The following PHACTR1 variants were observed in gnomAD, a reference collection of about 807,000 sequenced individuals.
PHACTR1 encodes the protein RPEL repeat containing 1.
PHACTR1 carries 16 observed loss-of-function variants against 69.2 expected under a neutral mutation model. The observed-to-expected ratio is 0.23, with a 90% CI of 0.16 to 0.35. PHACTR1 has a LOEUF of 0.35. PHACTR1 is among the 10% of genes least tolerant of loss of function. The probability of loss-of-function intolerance (pLI) is 1.00; values close to 1 mark genes in which losing one functional copy is unlikely to be tolerated. For synonymous variants in PHACTR1, 312 were observed against 284.5 expected (o/e 1.10, Z -0.97); for missense variants, 510 against 734.7 (o/e 0.69, Z 3.54).
At chr6:12,984,789 A>ATT (rs1795941394) in intron 4 of PHACTR1, among the ~76,000 whole-genome samples, 1 of 152,022 alleles carries the variant, frequency 6.6e-6, no homozygotes, top group Non-Finnish European at 1.5e-5. Flanking sequence ...CATAAGGAAA[A>ATT]AGCAAACCGT....
intron 6 of PHACTR1, among the ~76,000 whole-genome samples, chr6:13,172,583 G>A (rs1444458690): frequency 1.3e-5 from 2 of 152,178 alleles, no homozygotes; most frequent in African/African-American, 4.8e-5. Context: ...CTCCAGGGAA[G>A]TGCAGCTGAA....
intron 4 of PHACTR1, among the ~76,000 whole-genome samples, chr6:12,867,388 A>G (rs1016397045): frequency 6.6e-6 from 1 of 152,230 alleles, no homozygotes; most frequent in Admixed American, 6.5e-5. Context: ...ATTGAATTAC[A>G]TAATGTACAA....
chr6:12,718,539 A>G (rs906996557), intron 2 of PHACTR1, 160 bp from the exon 3 acceptor site: 3 of 330,970 alleles, frequency 9.1e-6, no homozygotes, highest in Non-Finnish European at 1.6e-5. Context: ...CTCACACGGT[A>G]GGAAAGCTAT....
At chr6:12,740,710 G>T (rs897431760) in intron 3 of PHACTR1, among the ~76,000 whole-genome samples, 1 of 151,756 alleles carries the variant, frequency 6.6e-6, no homozygotes, top group Admixed American at 6.6e-5. Flanking sequence ...TCTCCTAAAG[G>T]TGTCTTTCTC....
chr6:12,839,518 C>G (rs1275046720), intron 4 of PHACTR1, among the ~76,000 whole-genome samples: 4 of 152,060 alleles, frequency 2.6e-5, no homozygotes, highest in Non-Finnish European at 5.9e-5. Flanking sequence ...TAGGCTGGCC[C>G]TTCTAGATAT....
At chr6:12,860,712 C>T (rs1780854814) in intron 4 of PHACTR1, among the ~76,000 whole-genome samples, 1 of 152,126 alleles carries the variant, frequency 6.6e-6, no homozygotes, top group African/African-American at 2.4e-5. Flanking sequence ...GATGGTATCT[C>T]ATTGTGGTTT....
intron 11 of PHACTR1, among the ~76,000 whole-genome samples, chr6:13,276,747 G>A (rs1779000162): frequency 6.6e-6 from 1 of 151,660 alleles, no homozygotes; most frequent in Non-Finnish European, 1.5e-5. Context: ...ACTCCAGCCT[G>A]GGCAACAGAG....
intron 8 of PHACTR1, among the ~76,000 whole-genome samples, chr6:13,210,220 G>A (rs567054856): frequency 1.3e-5 from 2 of 152,058 alleles, no homozygotes; most frequent in East Asian, 3.9e-4. Context: ...TTGCCATGTT[G>A]CCCAAACTGG....
At chr6:13,212,497 G>C (rs2113921671) in intron 8 of PHACTR1, among the ~76,000 whole-genome samples, 1 of 152,228 alleles carries the variant, frequency 6.6e-6, no homozygotes, top group South Asian at 2.1e-4. Context: ...TTGCATACTT[G>C]CATCAGGTTA....
intron 4 of PHACTR1, among the ~76,000 whole-genome samples, chr6:12,932,438 A>G (rs1788969069): frequency 6.6e-6 from 1 of 152,214 alleles, no homozygotes. Context: ...CTTGTTATCT[A>G]CTTCCAATGT....
intron 5 of PHACTR1, among the ~76,000 whole-genome samples, chr6:13,149,576 G>A (rs1317319152): frequency 6.6e-6 from 1 of 152,172 alleles, no homozygotes; most frequent in African/African-American, 2.4e-5. Flanking sequence ...GAGTGGTTGG[G>A]CGTCTGTGTT....
intron 5 of PHACTR1, among the ~76,000 whole-genome samples, chr6:13,141,532 A>G (rs1241447090): frequency 6.6e-6 from 1 of 152,210 alleles, no homozygotes; most frequent in Admixed American, 6.5e-5. Context: ...ACAAAAAACT[A>G]GTGGAGAAGT....
intron 6 of PHACTR1, among the ~76,000 whole-genome samples, chr6:13,161,220 T>C (rs1758952124): frequency 6.6e-6 from 1 of 152,102 alleles, no homozygotes; most frequent in South Asian, 2.1e-4. Flanking sequence ...CTCAACAATC[T>C]TCCCACCTCA....
intron 5 of PHACTR1, among the ~76,000 whole-genome samples, chr6:13,089,238 A>G (rs1258332673): frequency 1.3e-5 from 2 of 152,038 alleles, no homozygotes; most frequent in African/African-American, 4.8e-5. Flanking sequence ...GGGGACACTT[A>G]CCAGTACATC....
intron 5 of PHACTR1, among the ~76,000 whole-genome samples, chr6:13,147,563 G>A (rs1312953389): frequency 6.6e-6 from 1 of 152,220 alleles, no homozygotes; most frequent in African/African-American, 2.4e-5. Context: ...CTAAGCAAGT[G>A]TTTGTTAAGA....
chr6:13,076,481 A>G (rs1227567061), intron 5 of PHACTR1, among the ~76,000 whole-genome samples: 4 of 152,290 alleles, frequency 2.6e-5, no homozygotes, highest in African/African-American at 7.2e-5. Context: ...ATAGAGAAAA[A>G]TGTGATAGAG....
chr6:13,012,217 A>G (rs988891000), intron 4 of PHACTR1, among the ~76,000 whole-genome samples: 3 of 152,228 alleles, frequency 2.0e-5, no homozygotes, highest in African/African-American at 7.2e-5. Flanking sequence ...GAAGTAGTAG[A>G]AATGATAGAG....
At chr6:13,157,799 C>T (rs78559834) in intron 5 of PHACTR1, among the ~76,000 whole-genome samples, 5,658 of 152,244 alleles carry the variant, frequency 0.037, 241 homozygotes, top group African/African-American at 0.1. Context: ...TAACAAACCC[C>T]GTACTTAAAG....
chr6:13,183,567 A>G lies in PHACTR1; in HGVS notation c.664+881A>G, dbSNP rs535271370. Among the ~76,000 whole-genome samples the G allele has an allele frequency of 2.0e-5, 3 of 152,170 alleles. No individual in the cohort carries two copies. The South Asian group carries it at 6.2e-4, about 32-fold the overall frequency. On this transcript the variant is annotated intron_variant, in intron 7 of 14. Transcript: ENST00000332995. ...TAGTGTCCCTGAGGCAGGAGAATGT[A>G]GTGCTCATGAGGATTTTCAGCAGGG...
Sources: gnomAD v4.1 joint callset for allele counts (sites outside exome capture counted in the v4.1 genomes callset) on GRCh38, gnomAD v4.1.1 for gene constraint, MANE v1.5 for transcripts, NCBI Gene and HGNC (gene_info 2026-07-23, HGNC 2026-07-21) for gene names.